The following PDGFRA variants were observed in gnomAD, a reference collection of about 807,000 sequenced individuals.
PDGFRA encodes platelet-derived growth factor receptor alpha.
PDGFRA carries 25 observed loss-of-function variants against 121.5 expected under a neutral mutation model. The ratio of observed to expected loss-of-function variants is 0.21; its 90% CI spans 0.15 to 0.29. The LOEUF is 0.29. PDGFRA is among the 10% of genes least tolerant of loss of function. The pLI is 1.00. For missense variants in PDGFRA, 1,008 were observed against 1,345.1 expected (o/e 0.75, Z 3.92); for synonymous variants, 463 against 494.8 (o/e 0.94, Z 0.85).
At chr4:54,287,364 T>A in intron 18 of PDGFRA, 66 bp from the exon 19 acceptor site, 1 of 788,678 alleles carries the variant, frequency 1.3e-6, no homozygotes, top group Non-Finnish European at 2.3e-6. Context: ...AACCCTTTTC[T>A]ATTTCCACTG....
intron 1 of PDGFRA, among the ~76,000 whole-genome samples, chr4:54,246,756 CA>C (rs1721695728): frequency 6.6e-6 from 1 of 150,644 alleles, no homozygotes; most frequent in Non-Finnish European, 1.5e-5. Context: ...AAAAACCCTT[CA>C]AAAAATTAAT....
intron 1 of PDGFRA, among the ~76,000 whole-genome samples, chr4:54,247,166 C>T (rs1721727810): frequency 6.6e-6 from 1 of 152,184 alleles, no homozygotes; most frequent in African/African-American, 2.4e-5. Context: ...ACCATTCCTT[C>T]TGAAACTATT....
At chr4:54,270,591 A>G (rs1253580098) in intron 7 of PDGFRA, 42 bp from the exon 8 acceptor site, 3 of 1,003,036 alleles carry the variant, frequency 3.0e-6, no homozygotes. Flanking sequence ...ATTGGAACTT[A>G]CTTAGCTACT....
rs2110280158 is a variant in PDGFRA at position 54,270,723 on chromosome 4, C to G, written c.1212C>G (p.Ser404Arg). 6.3e-7 allele frequency: 1 copy of G among 1,597,320 alleles called. No homozygotes were observed. Among genetic ancestry groups the G allele is most frequent in the Non-Finnish European group, 8.6e-7 (1 of 1,164,770 alleles). ...IVAQNEDAVKSYTFELLTQVP... is the reference protein window; with the variant it reads ...IVAQNEDAVKRYTFELLTQVP... Reference sequence around the variant, plus strand: ...CTCAAAATGAAGATGCTGTGAAGAGCTATACTTTTGAACTGTTAACTCAAG... The same window carrying G: ...CTCAAAATGAAGATGCTGTGAAGAGGTATACTTTTGAACTGTTAACTCAAG... Residue 404 changes from serine to arginine, a missense_variant, in exon 8 of 23, where the codon AGC (serine) becomes AGG (arginine). Physicochemically the swap from Ser to Arg is moderately radical, Grantham distance 110. Around this residue, in one of 5 missense-constraint regions of PDGFRA, gnomAD observed 575 missense variants for 701.8 expected, o/e 0.82. Transcript: ENST00000257290.
intron 7 of PDGFRA, 137 bp downstream of exon 7, chr4:54,267,878 C>A: frequency 1.4e-6 from 1 of 730,514 alleles, no homozygotes; most frequent in Non-Finnish European, 2.5e-6. Context: ...TGCTTGAAAT[C>A]ACATCCCTTT....
At chr4:54,263,561 A>G (rs1406271690) in intron 3 of PDGFRA, 106 bp from the exon 4 acceptor site, 1 of 1,071,104 alleles carries the variant, frequency 9.3e-7, no homozygotes, top group Non-Finnish European at 1.5e-6. Context: ...TGTAAAGGTG[A>G]ACTTCATACC....
chr4:54,242,959 C>G (rs1043387654), intron 1 of PDGFRA, among the ~76,000 whole-genome samples: 1 of 152,106 alleles, frequency 6.6e-6, no homozygotes, highest in Admixed American at 6.5e-5. Context: ...TATGAGGGAA[C>G]CTTTAGCATT....
intron 22 of PDGFRA, among the ~76,000 whole-genome samples, chr4:54,294,410 C>T (rs1724777886): frequency 6.6e-6 from 1 of 151,990 alleles, no homozygotes; most frequent in South Asian, 2.1e-4. Flanking sequence ...AGAAAGGTGC[C>T]CAGAAGTTTT....
chr4:54,261,077 G>T lies in PDGFRA; in HGVS notation c.50-18G>T. On this transcript the variant is annotated intron_variant, in intron 2 of 22. Coordinates refer to ENST00000257290, the MANE Select transcript of PDGFRA (RefSeq NM_006206.6). ...CCTTTCTGACTGCATCCTATTCAGA[G>T]CGTGCTTCCTTTTGCAGGGCTGAGC... The T allele has an allele frequency of 6.2e-7, 1 of 1,611,622 alleles. No homozygotes were observed. Among genetic ancestry groups the T allele is most frequent in the Non-Finnish European group, 8.5e-7 (1 of 1,177,754 alleles).
chr4:54,294,362 A>C (rs1304474667), intron 22 of PDGFRA, among the ~76,000 whole-genome samples: 1 of 152,124 alleles, frequency 6.6e-6, no homozygotes, highest in African/African-American at 2.4e-5. Context: ...TTCTGCTTTT[A>C]TATAAAGTTA....
At chr4:54,272,367 A>G in intron 8 of PDGFRA, 27 bp from the exon 9 acceptor site, 1 of 1,613,494 alleles carries the variant, frequency 6.2e-7, no homozygotes, top group Non-Finnish European at 8.5e-7. Flanking sequence ...GAGCTATTCC[A>G]TTCTGACTTC....
chr4:54,279,038 C>A, intron 15 of PDGFRA: 1 of 340,426 alleles, frequency 2.9e-6, no homozygotes, highest in East Asian at 7.6e-5. Flanking sequence ...TGGTGGACAC[C>A]AAATGGGTGC....
intron 16 of PDGFRA, among the ~76,000 whole-genome samples, chr4:54,282,843 T>A (rs532671485): frequency 1.3e-5 from 2 of 152,222 alleles, no homozygotes; most frequent in African/African-American, 4.8e-5. Flanking sequence ...TGGGTCAACA[T>A]TCCCATTCCC....
At chr4:54,235,583 T>C (rs898137117) in intron 1 of PDGFRA, among the ~76,000 whole-genome samples, 2 of 152,246 alleles carry the variant, frequency 1.3e-5, no homozygotes, top group Non-Finnish European at 2.9e-5. Flanking sequence ...CATCTTTGAA[T>C]GGTCTTTATA....
At chr4:54,292,834 C>A (rs1479247440) in intron 22 of PDGFRA, among the ~76,000 whole-genome samples, 2 of 152,068 alleles carry the variant, frequency 1.3e-5, no homozygotes, top group African/African-American at 4.8e-5. Flanking sequence ...ACTACGAGAA[C>A]ACATGGACAC....
intron 2 of PDGFRA, 128 bp from the exon 3 acceptor site, chr4:54,260,967 C>A: frequency 1.2e-6 from 1 of 808,908 alleles, no homozygotes; most frequent in Non-Finnish European, 2.0e-6. Context: ...CATGGGCATC[C>A]AGGCTAACGG....
intron 1 of PDGFRA, among the ~76,000 whole-genome samples, chr4:54,244,055 C>T (rs558104392): frequency 1.4e-4 from 22 of 152,314 alleles, no homozygotes; most frequent in East Asian, 9.6e-4. Context: ...GTAAACAAAG[C>T]GGCTGGGAAG....
chr4:54,271,448 C>A (rs1723348593), intron 8 of PDGFRA, among the ~76,000 whole-genome samples: 2 of 152,202 alleles, frequency 1.3e-5, no homozygotes, highest in African/African-American at 4.8e-5. Flanking sequence ...TTAGATTATA[C>A]TTTAGCTGAA....
intron 1 of PDGFRA, among the ~76,000 whole-genome samples, chr4:54,250,937 C>A (rs1022550232): frequency 1.3e-5 from 2 of 151,894 alleles, no homozygotes; most frequent in African/African-American, 4.8e-5. Context: ...TGGTGGCATG[C>A]ACCTGTAATC....
Sources: allele counts gnomAD v4.1 joint callset (sites outside exome capture counted in the v4.1 genomes callset), GRCh38; gene constraint gnomAD v4.1.1; regional missense constraint gnomAD v4.1.1; transcripts MANE v1.5; gene names NCBI Gene and HGNC (gene_info 2026-07-23, HGNC 2026-07-21).